Variants in USB1 observed in about 807,000 individuals in gnomAD.
USB1 encodes U6 snRNA biogenesis phosphodiesterase 1, also known as U6 snRNA phosphodiesterase 1.
In USB1, 21 loss-of-function variants were observed where a neutral mutation model predicts 29.9. That is an observed-to-expected ratio of 0.70 (90% confidence interval 0.50 to 1.01). The LOEUF is 1.01. Among genes scored for constraint, USB1 ranks in the 50% least tolerant of loss-of-function variants. USB1 has a pLI of 0.00. For missense variants in USB1, 330 were observed against 347.1 expected (o/e 0.95, Z 0.39); for synonymous variants, 143 against 134.9 (o/e 1.06, Z -0.42).
intron 2 of USB1, among the ~76,000 whole-genome samples, chr16:58,004,287 A>G (rs374584130): frequency 7.2e-5 from 11 of 152,284 alleles, no homozygotes; most frequent in African/African-American, 2.4e-4. Context: ...TGGGTTCTCA[A>G]TTCTGTTCCA....
chr16:58,018,372 C>T (rs1963665495), intron 5 of USB1, among the ~76,000 whole-genome samples: 1 of 152,008 alleles, frequency 6.6e-6, no homozygotes, highest in African/African-American at 2.4e-5. Flanking sequence ...TACATGTGTA[C>T]AACACCACGC....
intron 3 of USB1, chr16:58,012,213 G>C: frequency 6.6e-7 from 1 of 1,507,350 alleles, no homozygotes; most frequent in Non-Finnish European, 8.9e-7. Context: ...ACTCGGCCAG[G>C]GAATAAGGGC....
At chr16:58,015,380 C>T (rs1963592306) in intron 4 of USB1, 2 of 152,194 alleles carry the variant, frequency 1.3e-5, no homozygotes, top group African/African-American at 4.8e-5. Context: ...GTTAGATGAA[C>T]ATAAGAAGAA....
intron 2 of USB1, among the ~76,000 whole-genome samples, chr16:58,009,536 G>A (rs1386023454): frequency 6.6e-6 from 1 of 151,824 alleles, no homozygotes; most frequent in South Asian, 2.1e-4. Context: ...TGGCTAACAC[G>A]GTGAAACCCC....
chr16:58,020,159 G>A lies in USB1; in HGVS notation c.712G>A (p.Glu238Lys), dbSNP rs772272501. ...QELQAIVDGF[E>K]DAEVLLRVHT... ...TTTTAAGGCAATCGTGGATGGGTTT[G>A]AAGATGCTGAGGTGCTGCTGCGCGT... Residue 238 changes from glutamate (E) to lysine (K), a missense_variant, in exon 7 of 7, where the codon GAA (glutamate) becomes AAA (lysine). By Grantham distance (56) the Glu-to-Lys change is moderately conservative. Transcript: ENST00000219281. The A allele has an allele frequency of 6.2e-7, 1 of 1,614,210 alleles. No individual in the cohort carries two copies. The highest frequency in any genetic ancestry group is 8.5e-7 in the Non-Finnish European group (1 of 1,180,044).
At chr16:58,008,760 T>C (rs1407753993) in intron 2 of USB1, among the ~76,000 whole-genome samples, 1 of 152,236 alleles carries the variant, frequency 6.6e-6, no homozygotes, top group Non-Finnish European at 1.5e-5. Context: ...GCCTAGATCT[T>C]CTTTTCTAAT....
chr16:58,018,997 C>T lies in USB1; in HGVS notation c.635C>T (p.Ala212Val). 6.2e-7 allele frequency: 1 copy of T among 1,614,188 alleles called. No individual in the cohort carries two copies. Among genetic ancestry groups the T allele is most frequent in the Non-Finnish European group, 8.5e-7 (1 of 1,180,026 alleles). ...YQDPSFHLSL[A>V]WCVGDARLQL... Reference sequence around the variant, plus strand: ...GATCCTTCTTTCCACCTCAGCCTGGCCTGGTGTGTGGGTGATGCACGTCTC... The same window carrying T: ...GATCCTTCTTTCCACCTCAGCCTGGTCTGGTGTGTGGGTGATGCACGTCTC... The change falls in exon 6 of 7, where the codon GCC becomes GTC. Residue 212 changes from alanine (A) to valine (V), a missense_variant. Physicochemically the swap from Ala to Val is moderately conservative, Grantham distance 64 (BLOSUM62 0). Coordinates refer to ENST00000219281, the MANE Select transcript of USB1 (RefSeq NM_024598.4).
At chr16:58,006,589 G>A (rs1195354231) in intron 2 of USB1, among the ~76,000 whole-genome samples, 1 of 152,194 alleles carries the variant, frequency 6.6e-6, no homozygotes, top group Non-Finnish European at 1.5e-5. Flanking sequence ...AACCCGGGAG[G>A]TGGAGGTTGC....
intron 6 of USB1, 52 bp from the exon 7 acceptor site, chr16:58,020,089 G>A (rs1963702241): frequency 6.3e-7 from 1 of 1,584,272 alleles, no homozygotes; most frequent in African/African-American, 1.3e-5. Context: ...AGTGCCCTGT[G>A]GGTCCCAGAT....
intron 2 of USB1, among the ~76,000 whole-genome samples, chr16:58,008,349 TTAATTA>T: frequency 6.6e-6 from 1 of 152,296 alleles, no homozygotes; most frequent in African/African-American, 2.4e-5. Context: ...TGCTCTAATT[TTAATTA>T]TTTCTTTACT....
Position 58,013,108 on chromosome 16 carries a change from A to G in USB1, c.450-1165A>G. On this transcript the variant is annotated intron_variant, in intron 3 of 6. Transcript: ENST00000219281. This position sits in a 1 kb window ranked among gnomAD's most constrained non-coding sequence, Gnocchi z 4.3. ...TAAGGTGACCAAGAGTGGGCGGTGC[A>G]CCCCTGATTCTGTTGCTGTGACTGA... 1.0e-6 allele frequency: 1 copy of G among 985,252 alleles called. No homozygotes were observed. The highest frequency in any genetic ancestry group is 1.7e-5 in the African/African-American group (1 of 57,240). The allele number at this position is 985,252 out of a possible 1,614,324, so 61.0% of individuals were successfully genotyped here. A position where few individuals can be genotyped will look rare whatever the true frequency, so the allele number is the denominator to read the frequency against.
intron 2 of USB1, among the ~76,000 whole-genome samples, chr16:58,007,417 T>C (rs1963386133): frequency 6.6e-6 from 1 of 152,156 alleles, no homozygotes; most frequent in Non-Finnish European, 1.5e-5. Context: ...AGTCTCACTC[T>C]GTTGCCCAGG....
At chr16:58,005,150 T>A (rs1963321662) in intron 2 of USB1, among the ~76,000 whole-genome samples, 1 of 152,118 alleles carries the variant, frequency 6.6e-6, no homozygotes, top group African/African-American at 2.4e-5. Context: ...CAGAGCCAGG[T>A]GTACAGGTGT....
intron 3 of USB1, chr16:58,012,240 A>C (rs1963512691): frequency 2.0e-6 from 3 of 1,531,260 alleles, no homozygotes; most frequent in African/African-American, 2.7e-5. Flanking sequence ...TCATCTCTCA[A>C]CCTAGTCCAG....
chr16:58,001,580 C>G lies in USB1; in HGVS notation c.97C>G (p.Arg33Gly), dbSNP rs759378341. The stretch of plus-strand genomic sequence containing the variant: ...CAGGCCGGGGGATGGGAGCCACCGT[C>G]GGTGAGGAGTGAGGAAGTCTCTCCG... ...RTRPGDGSHR[R>G]GQSPLPRQRF... Residue 33 changes from arginine to glycine, a missense_variant and splice_region_variant, in exon 1 of 7, where the codon CGT (arginine) becomes GGT (glycine). By Grantham distance (125) the Arg-to-Gly change is moderately radical. Coordinates refer to ENST00000219281, the MANE Select transcript of USB1 (RefSeq NM_024598.4). 2.1e-5 allele frequency: 33 copies of G among 1,604,644 alleles called. No homozygotes were observed. The highest frequency in any genetic ancestry group is 2.6e-5 in the Non-Finnish European group (30 of 1,176,214).
At chr16:58,002,372 C>A in intron 1 of USB1, 107 bp from the exon 2 acceptor site, 1 of 1,548,980 alleles carries the variant, frequency 6.5e-7, no homozygotes, top group Non-Finnish European at 8.8e-7. Flanking sequence ...GCTGGAAACA[C>A]ACACTCAGAG....
At chr16:58,004,110 G>T (rs759038969) in intron 2 of USB1, among the ~76,000 whole-genome samples, 1 of 152,090 alleles carries the variant, frequency 6.6e-6, no homozygotes, top group African/African-American at 2.4e-5. Flanking sequence ...TGTCCATTTT[G>T]AGTTAATTTT....
chr16:58,007,258 C>T (rs951719388), intron 2 of USB1, among the ~76,000 whole-genome samples: 2 of 152,198 alleles, frequency 1.3e-5, no homozygotes, highest in Non-Finnish European at 2.9e-5. Context: ...CTGCTTTTGT[C>T]TTCTGAAAGA....
In USB1 at chr16:58,020,617, CCCTCCTCTCTCTTCCTCTCCTCT is replaced by C. The variant is rs1963719659; in HGVS notation, c.*374_*396del. The C allele has an allele frequency of 3.0e-6, 1 of 333,704 alleles. No homozygotes were observed. Among genetic ancestry groups the C allele is most frequent in the Non-Finnish European group, 5.7e-6 (1 of 173,960 alleles). 20.7% of individuals were successfully genotyped at this position (333,704 alleles called of 1,614,324 possible). A position where few individuals can be genotyped will look rare whatever the true frequency, so the allele number is the denominator to read the frequency against. ...CTCTCTACCCCTCCTGTCTCTCCTC[CCCTCCTCTCTCTTCCTCTCCTCT>C]CTCTCTTCCTCTCCTCTCTCTTCCC... On this transcript the variant is annotated 3_prime_UTR_variant, in exon 7 of 7. Coordinates refer to ENST00000219281, the MANE Select transcript of USB1 (RefSeq NM_024598.4).
Sources: allele counts gnomAD v4.1 joint callset (sites outside exome capture counted in the v4.1 genomes callset), GRCh38; gene constraint gnomAD v4.1.1; non-coding constraint Gnocchi (gnomAD v3.1); transcripts MANE v1.5; gene names NCBI Gene and HGNC (gene_info 2026-07-23, HGNC 2026-07-21).